The following PCDH10 variants were observed in gnomAD, a reference collection of about 807,000 sequenced individuals.
The protein encoded by PCDH10 is protocadherin-10.
In PCDH10, 15 loss-of-function variants were observed where a neutral mutation model predicts 74.4. That is an observed-to-expected ratio of 0.20 (90% CI 0.13 to 0.31). PCDH10 has a LOEUF of 0.31. PCDH10 is among the 10% of genes least tolerant of loss of function. The probability of loss-of-function intolerance (pLI) is 1.00; values close to 1 mark genes in which losing one functional copy is unlikely to be tolerated. For synonymous variants in PCDH10, 619 were observed against 589.8 expected (o/e 1.05, Z -0.72); for missense variants, 1,260 against 1,390.2 (o/e 0.91, Z 1.49).
rs1450452360 is a variant in PCDH10, at chr4:133,192,757, G to C, written c.*2597G>C. ...TATCTGTTGCATCCAAAGTAAATTA[G>C]AAGTTACAACAGAGTAAGGATATGA... On this transcript the variant is annotated 3_prime_UTR_variant, in exon 5 of 5. Transcript: ENST00000264360. 6.6e-6 allele frequency: 1 copy of C among 151,478 alleles called. No individual in the cohort carries two copies. Among genetic ancestry groups the C allele is most frequent in the East Asian group, 1.9e-4 (1 of 5,182 alleles). 9.4% of individuals were successfully genotyped at this position (151,478 alleles called of 1,614,324 possible).
At chr4:133,187,626 A>T (rs1727570886) in intron 4 of PCDH10, among the ~76,000 whole-genome samples, 1 of 152,110 alleles carries the variant, frequency 6.6e-6, no homozygotes, top group South Asian at 2.1e-4. Flanking sequence ...AAATTTAATA[A>T]TAGGTGATTA....
chr4:133,153,945 C>CT (rs1225606895), intron 1 of PCDH10: 1 of 199,586 alleles, frequency 5.0e-6, no homozygotes, highest in Non-Finnish European at 9.9e-6. Flanking sequence ...CACCTAAACA[C>CT]TTTTTTAAGC....
chr4:133,204,394 C>T (rs1207636307), intron 2 of PCDH10, among the ~76,000 whole-genome samples: 2 of 152,148 alleles, frequency 1.3e-5, no homozygotes, highest in African/African-American at 2.4e-5. Context: ...AGAGCTCTAG[C>T]TTACCCTTGA....
intron 4 of PCDH10, among the ~76,000 whole-genome samples, chr4:133,166,472 C>CAGTCT (rs1218641784): frequency 1.3e-5 from 2 of 151,354 alleles, no homozygotes; most frequent in African/African-American, 4.8e-5. Context: ...TTAAATGATT[C>CAGTCT]AGTCTTTCAA....
At chr4:133,182,288 T>C (rs1259221026) in intron 4 of PCDH10, among the ~76,000 whole-genome samples, 4 of 152,084 alleles carry the variant, frequency 2.6e-5, no homozygotes. Context: ...AGTCTTCTTA[T>C]AATATTGTTT....
intron 4 of PCDH10, among the ~76,000 whole-genome samples, chr4:133,165,137 T>C (rs771062528): frequency 1.3e-5 from 2 of 150,072 alleles, no homozygotes; most frequent in Non-Finnish European, 3.0e-5. Flanking sequence ...TTTTTAATTG[T>C]AGTTTTTTTC....
intron 4 of PCDH10, among the ~76,000 whole-genome samples, chr4:133,177,536 C>T (rs942335880): frequency 3.9e-5 from 6 of 152,102 alleles, no homozygotes; most frequent in Non-Finnish European, 7.4e-5. Context: ...GCCCAAATAA[C>T]AAGAGACCTA....
At chr4:133,201,584 G>C (rs557731096) in intron 2 of PCDH10, among the ~76,000 whole-genome samples, 3 of 152,052 alleles carry the variant, frequency 2.0e-5, no homozygotes, top group Admixed American at 2.0e-4. Flanking sequence ...GTGCTAGGCG[G>C]GGTGGCTCAC....
At chr4:133,174,879 T>A (rs1727262250) in intron 4 of PCDH10, among the ~76,000 whole-genome samples, 1 of 151,522 alleles carries the variant, frequency 6.6e-6, no homozygotes, top group African/African-American at 2.4e-5. Context: ...AGGCTTATAT[T>A]AGAATTATTT....
At chr4:133,160,091 A>T (rs557816692) in intron 3 of PCDH10, among the ~76,000 whole-genome samples, 1 of 152,076 alleles carries the variant, frequency 6.6e-6, no homozygotes, top group Admixed American at 6.5e-5. Flanking sequence ...TGAAAAAATC[A>T]ATTTTTAATT....
Position 133,149,979 on chromosome 4 carries a change from T to C in PCDH10, c.-162T>C. The C allele has an allele frequency of 9.6e-7, 1 of 1,043,848 alleles. No homozygotes were observed. The highest frequency in any genetic ancestry group is 1.3e-6 in the Non-Finnish European group (1 of 777,766). 64.7% of individuals were successfully genotyped at this position (1,043,848 alleles called of 1,614,324 possible). On this transcript the variant is annotated 5_prime_UTR_variant, in exon 1 of 5. The change abolishes an upstream ATG in the 5' untranslated region. Transcript: ENST00000264360. ...GGCTGGATTGCGGGAAGCTCTAAAATGAAGCAAAAGGAGTAAGATTTTTAA... is the reference window on the plus strand; with the variant it reads ...GGCTGGATTGCGGGAAGCTCTAAAACGAAGCAAAAGGAGTAAGATTTTTAA...
At chr4:133,207,746 A>T in intron 2 of PCDH10, among the ~76,000 whole-genome samples, 1 of 152,306 alleles carries the variant, frequency 6.6e-6, no homozygotes, top group Middle Eastern at 3.4e-3. Flanking sequence ...TAGTAGAATT[A>T]CTTTTAGTTT....
At chr4:133,204,770 G>C (rs1004372256) in intron 2 of PCDH10, among the ~76,000 whole-genome samples, 3 of 152,224 alleles carry the variant, frequency 2.0e-5, no homozygotes, top group African/African-American at 7.2e-5. Context: ...TGGTGAGGGA[G>C]GGATTCCTGC....
In PCDH10 at chr4:133,192,678, A is replaced by T. The variant is rs572378032; in HGVS notation, c.*2518A>T. 1 of 151,660 alleles carries T rather than the reference A, an allele frequency of 6.6e-6. No individual in the cohort carries two copies. Among genetic ancestry groups the T allele is most frequent in the African/African-American group, 2.4e-5 (1 of 41,504 alleles). The allele number at this position is 151,660 out of a possible 1,614,324, so 9.4% of individuals were successfully genotyped here. On this transcript the variant is annotated 3_prime_UTR_variant, in exon 5 of 5. Coordinates refer to ENST00000264360, the MANE Select transcript of PCDH10 (RefSeq NM_032961.3). ...CCAGAACTTCTTCCTAATTTGCGGG[A>T]CAAATAGAATTGTTTAAGGATAAAA...
intron 4 of PCDH10, among the ~76,000 whole-genome samples, chr4:133,185,494 T>G (rs567129209): frequency 6.3e-4 from 96 of 152,296 alleles, no homozygotes; most frequent in Non-Finnish European, 1.3e-3. Flanking sequence ...AAATTTCTAA[T>G]GGAGGCTCAC....
Position 133,152,258 on chromosome 4 carries a change from C to A in PCDH10, c.2118C>A (p.Gly706=), listed in dbSNP as rs572526212. 2 of 1,612,380 alleles carry A rather than the reference C, an allele frequency of 1.2e-6. No homozygotes were observed. ...AGCACCAGCGCCCCAGTCGCTCTGG[C>A]GGCGGGGAAACCTCGCTAGACCTCA... The part of the protein sequence containing the change: ...SGEHQRPSRS[G]GGETSLDLTL... Residue 706 remains glycine, a synonymous_variant, in exon 1 of 5, where the codon GGC becomes GGA. Transcript: ENST00000264360.
chr4:133,164,809 A>C (rs1727044164), intron 4 of PCDH10, among the ~76,000 whole-genome samples: 1 of 150,204 alleles, frequency 6.7e-6, no homozygotes, highest in African/African-American at 2.5e-5. Flanking sequence ...CTATTTCTTA[A>C]GAATCTGGTC....
At position 133,183,271 on chromosome 4, in the gene PCDH10, A is replaced by C. The variant is rs562740562; in HGVS notation, c.3104-6870A>C. 2.8e-4 allele frequency among the ~76,000 whole-genome samples: 43 copies of C among 152,278 alleles called. No homozygotes were observed. In the South Asian group the frequency reaches 8.1e-3, roughly 29 times the overall value. ...GTAGTTGACATAGTTGCAGTAATCC[A>C]CTGGAAAGATATTTCCTGGTGAAAC... On this transcript the variant is annotated intron_variant, in intron 4 of 4. Transcript: ENST00000264360.
At position 133,152,077 on chromosome 4, in the gene PCDH10, C is replaced by G; in HGVS notation, c.1937C>G (p.Ala646Gly). Residue 646 changes from alanine to glycine, a missense_variant, in exon 1 of 5, where the codon GCC becomes GGC. Ala to Gly is a moderately conservative substitution (Grantham distance 60, BLOSUM62 0). Coordinates refer to ENST00000264360, the MANE Select transcript of PCDH10 (RefSeq NM_032961.3). ...CTGCGCACAGCACGCCGAGTCCCGG[C>G]CAAGCGCGACCCCCAGCGGCCTTAT... is the stretch of plus-strand genomic sequence containing the variant. ...GELRTARRVP[A>G]KRDPQRPYEL... The G allele has an allele frequency of 6.3e-7, 1 of 1,599,870 alleles. No individual in the cohort carries two copies. The highest frequency in any genetic ancestry group is 8.5e-7 in the Non-Finnish European group (1 of 1,173,790).
Sources: gnomAD v4.1 joint callset for allele counts (sites outside exome capture counted in the v4.1 genomes callset) on GRCh38, gnomAD v4.1.1 for gene constraint, MANE v1.5 for transcripts, NCBI Gene and HGNC (gene_info 2026-07-23, HGNC 2026-07-21) for gene names.